Variants in PTPRD observed in about 807,000 individuals in gnomAD.
The protein encoded by PTPRD is receptor-type tyrosine-protein phosphatase delta.
PTPRD carries 34 observed loss-of-function variants against 214.5 expected under a neutral mutation model. The observed-to-expected ratio is 0.16, with a 90% confidence interval of 0.12 to 0.21. PTPRD has a LOEUF of 0.21. Among genes scored for constraint, PTPRD ranks in the 10% least tolerant of loss-of-function variants. The pLI is 1.00. For synonymous variants in PTPRD, 1,128 were observed against 845.7 expected (o/e 1.33, Z -5.79); for missense variants, 2,545 against 2,398.7 (o/e 1.06, Z -1.27).
chr9:10,456,074 T>C (rs907670801), intron 2 of PTPRD, among the ~76,000 whole-genome samples: 1 of 151,878 alleles, frequency 6.6e-6, no homozygotes, highest in African/African-American at 2.4e-5. Context: ...GTAGTCTTTG[T>C]CTATTACATA....
chr9:9,404,967 G>A (rs2072685625), intron 8 of PTPRD, among the ~76,000 whole-genome samples: 1 of 152,146 alleles, frequency 6.6e-6, no homozygotes, highest in African/African-American at 2.4e-5. Context: ...CTGGTTTGTG[G>A]TTTAGATTCC....
At chr9:9,012,441 C>A (rs980441706) in intron 11 of PTPRD, among the ~76,000 whole-genome samples, 2 of 152,130 alleles carry the variant, frequency 1.3e-5, no homozygotes, top group South Asian at 2.1e-4. Flanking sequence ...GACCATAAGC[C>A]AAGCATTATT....
chr9:9,642,107 C>A lies in PTPRD; in HGVS notation c.-286-67326G>T, dbSNP rs547178776. ...GCCATAAAAAATGATGAGTTCATAT[C>A]CTTTGTAGGGACATGGATGAAATTG... is the stretch of plus-strand genomic sequence containing the variant. On this transcript the variant is annotated intron_variant, in intron 7 of 45. Transcript: ENST00000381196. Among the ~76,000 whole-genome samples the A allele has an allele frequency of 2.0e-5, 3 of 148,256 alleles. No individual in the cohort carries two copies. The East Asian group carries it at 5.9e-4, about 29-fold the overall frequency.
intron 4 of PTPRD, among the ~76,000 whole-genome samples, chr9:9,949,644 T>C (rs2093229292): frequency 6.6e-6 from 1 of 152,138 alleles, no homozygotes; most frequent in Non-Finnish European, 1.5e-5. Context: ...AGGCATTTTC[T>C]GAATCTCTAC....
chr9:10,524,907 A>C (rs2053743374), intron 2 of PTPRD, among the ~76,000 whole-genome samples: 1 of 151,966 alleles, frequency 6.6e-6, no homozygotes, highest in African/African-American at 2.4e-5. Context: ...TTGTAAAAAC[A>C]AACCAAAATA....
intron 9 of PTPRD, among the ~76,000 whole-genome samples, chr9:9,394,880 C>G (rs931254911): frequency 6.6e-6 from 1 of 152,022 alleles, no homozygotes; most frequent in Non-Finnish European, 1.5e-5. Flanking sequence ...CTTCCATGCT[C>G]TATATTTGTA....
At chr9:8,854,067 G>A (rs1264373098) in intron 11 of PTPRD, among the ~76,000 whole-genome samples, 1 of 152,130 alleles carries the variant, frequency 6.6e-6, no homozygotes, top group East Asian at 1.9e-4. Flanking sequence ...ATCTGGGCAT[G>A]TAATACAAAT....
chr9:9,560,695 T>G (rs2082694351), intron 8 of PTPRD, among the ~76,000 whole-genome samples: 1 of 151,756 alleles, frequency 6.6e-6, no homozygotes, highest in South Asian at 2.1e-4. Flanking sequence ...CCAAGGGGAG[T>G]GGGTGGATGG....
At chr9:9,468,373 A>G (rs895748475) in intron 8 of PTPRD, among the ~76,000 whole-genome samples, 5 of 152,110 alleles carry the variant, frequency 3.3e-5, no homozygotes, top group Non-Finnish European at 5.9e-5. Flanking sequence ...TAAGATATCT[A>G]TGTAGTTATC....
chr9:8,598,551 G>A (rs2094601554), intron 14 of PTPRD, among the ~76,000 whole-genome samples: 1 of 152,142 alleles, frequency 6.6e-6, no homozygotes, highest in Non-Finnish European at 1.5e-5. Flanking sequence ...CATATAATCA[G>A]TCAATATGAA....
intron 3 of PTPRD, among the ~76,000 whole-genome samples, chr9:10,305,220 C>A (rs1002557144): frequency 6.6e-6 from 1 of 151,964 alleles, no homozygotes; most frequent in Non-Finnish European, 1.5e-5. Flanking sequence ...AAAACTGAAA[C>A]TGGATCCCTT....
chr9:9,566,764 C>T (rs1005990460), intron 8 of PTPRD, among the ~76,000 whole-genome samples: 3 of 151,974 alleles, frequency 2.0e-5, no homozygotes, highest in African/African-American at 7.2e-5. Flanking sequence ...GCAGTAAAAC[C>T]TTTGGACATT....
At chr9:8,953,741 G>A (rs1248243899) in intron 11 of PTPRD, among the ~76,000 whole-genome samples, 1 of 151,888 alleles carries the variant, frequency 6.6e-6, no homozygotes, top group Non-Finnish European at 1.5e-5. Context: ...ACAAACATAT[G>A]AAAAAATGTT....
At chr9:9,993,610 C>G (rs72692772) in intron 4 of PTPRD, among the ~76,000 whole-genome samples, 1 of 151,810 alleles carries the variant, frequency 6.6e-6, no homozygotes, top group Non-Finnish European at 1.5e-5. Context: ...TGCTCTGTGA[C>G]GCTGGAAGTA....
intron 10 of PTPRD, among the ~76,000 whole-genome samples, chr9:9,155,783 T>C (rs545665018): frequency 4.6e-5 from 7 of 152,152 alleles, no homozygotes; most frequent in African/African-American, 1.4e-4. Context: ...GTGATATCAC[T>C]TGGACATAGT....
At chr9:10,485,458 A>T (rs1212872849) in intron 2 of PTPRD, among the ~76,000 whole-genome samples, 1 of 152,098 alleles carries the variant, frequency 6.6e-6, no homozygotes, top group Non-Finnish European at 1.5e-5. Context: ...GGTTGTATGG[A>T]CATTTTAACA....
At chr9:9,752,274 C>T (rs941921802) in intron 6 of PTPRD, among the ~76,000 whole-genome samples, 3 of 152,002 alleles carry the variant, frequency 2.0e-5, no homozygotes, top group Admixed American at 2.0e-4. Flanking sequence ...GCCAGTTATG[C>T]TTTTCCATAA....
intron 4 of PTPRD, among the ~76,000 whole-genome samples, chr9:9,954,749 G>A (rs779973807): frequency 5.9e-5 from 9 of 151,986 alleles, no homozygotes; most frequent in Admixed American, 1.3e-4. Flanking sequence ...TCCCAGCAAT[G>A]TTATTTGTGT....
intron 7 of PTPRD, among the ~76,000 whole-genome samples, chr9:9,659,407 A>G (rs1010267667): frequency 6.6e-6 from 1 of 152,080 alleles, no homozygotes; most frequent in Non-Finnish European, 1.5e-5. Context: ...GTGAAATTAT[A>G]ATATAGTGGC....
Sources: allele counts gnomAD v4.1 joint callset (sites outside exome capture counted in the v4.1 genomes callset), GRCh38; gene constraint gnomAD v4.1.1; transcripts MANE v1.5; gene names NCBI Gene and HGNC (gene_info 2026-07-23, HGNC 2026-07-21).